The following CLEC16A variants were observed in gnomAD, a reference collection of about 807,000 sequenced individuals.
CLEC16A encodes the protein protein CLEC16A.
A neutral mutation model predicts 109.5 loss-of-function variants in CLEC16A; 51 were observed. That is an observed-to-expected ratio of 0.47 (90% CI 0.37 to 0.59). The LOEUF (loss-of-function observed/expected upper bound fraction) is 0.59, where lower values mean the gene tolerates loss of function less well. CLEC16A is among the 20% of genes least tolerant of loss of function. CLEC16A has a pLI of 0.00. For synonymous variants in CLEC16A, 673 were observed against 564.2 expected (o/e 1.19, Z -2.73); for missense variants, 1,339 against 1,394.0 (o/e 0.96, Z 0.63).
At chr16:11,015,778 G>C (rs988324258) in intron 11 of CLEC16A, among the ~76,000 whole-genome samples, 31 of 152,378 alleles carry the variant, frequency 2.0e-4, no homozygotes, top group African/African-American at 7.2e-4. Context: ...CCAGGGTGCT[G>C]GGGCTTGGCC....
rs1190743202 is a variant in CLEC16A at position 11,174,304 on chromosome 16, G to A, written c.2807-4031G>A. The A allele has an allele frequency of 6.8e-6, 3 of 443,746 alleles. No homozygotes were observed. Among genetic ancestry groups the A allele is most frequent in the Non-Finnish European group, 1.4e-5 (3 of 215,462 alleles). 27.5% of individuals were successfully genotyped at this position (443,746 alleles called of 1,614,324 possible). ...CAGGTCTCCCCTGTGAGCCGCTCGG[G>A]CCGCGACGTCCACTCGCCACGCTGC... On this transcript the variant is annotated intron_variant, in intron 23 of 23. Coordinates refer to ENST00000409790, the MANE Select transcript of CLEC16A (RefSeq NM_015226.3). The surrounding 1 kb of genome is among the most constrained non-coding windows in gnomAD (Gnocchi z 4.7).
At chr16:10,949,114 C>T (rs959639214) in intron 1 of CLEC16A, among the ~76,000 whole-genome samples, 17 of 152,160 alleles carry the variant, frequency 1.1e-4, no homozygotes, top group African/African-American at 3.9e-4. Flanking sequence ...ATGGGAGAAT[C>T]AGGGGTTATT....
chr16:11,177,720 C>T (rs535697130), intron 23 of CLEC16A, among the ~76,000 whole-genome samples: 17 of 152,146 alleles, frequency 1.1e-4, no homozygotes, highest in Admixed American at 9.8e-4. Flanking sequence ...CCGGGAAGCT[C>T]GGGACAATAA....
At position 10,944,624 on chromosome 16, in the gene CLEC16A, C is replaced by T. The variant is rs1160799302; in HGVS notation, c.-94C>T. ...GCGGTTCCTCCACCGCCTCCGCCGCCGCATCCTCCGCTTGTGCTACCGCCG... is the reference window on the plus strand; with the variant it reads ...GCGGTTCCTCCACCGCCTCCGCCGCTGCATCCTCCGCTTGTGCTACCGCCG... On this transcript the variant is annotated 5_prime_UTR_variant, in exon 1 of 24. Coordinates refer to ENST00000409790, the MANE Select transcript of CLEC16A (RefSeq NM_015226.3). 7 of 1,230,108 alleles carry T rather than the reference C, an allele frequency of 5.7e-6. No individual in the cohort carries two copies. In the Admixed American group the frequency reaches 6.3e-5, roughly 11 times the overall value. The allele number at this position is 1,230,108 out of a possible 1,614,324, so 76.2% of individuals were successfully genotyped here. A position where few individuals can be genotyped will look rare whatever the true frequency, so the allele number is the denominator to read the frequency against.
chr16:10,973,182 T>C (rs944950225), intron 7 of CLEC16A, 121 bp downstream of exon 7: 2 of 1,138,678 alleles, frequency 1.8e-6, no homozygotes, highest in Non-Finnish European at 2.4e-6. Flanking sequence ...AGGCAGAGCA[T>C]GGACTTCCGT....
intron 10 of CLEC16A, among the ~76,000 whole-genome samples, chr16:10,987,103 G>A (rs1039818743): frequency 4.0e-5 from 6 of 151,862 alleles, no homozygotes; most frequent in Non-Finnish European, 4.4e-5. Flanking sequence ...TGATCTGCCC[G>A]TCTTAGCCTC....
At chr16:11,058,654 G>A (rs867246250) in intron 18 of CLEC16A, among the ~76,000 whole-genome samples, 11 of 152,042 alleles carry the variant, frequency 7.2e-5, no homozygotes, top group South Asian at 2.1e-4. Context: ...TATTATCCAT[G>A]TGTTGTTTGC....
At chr16:10,975,043 T>C (rs79436683) in intron 7 of CLEC16A, among the ~76,000 whole-genome samples, 6,295 of 152,064 alleles carry the variant, frequency 0.041, 167 homozygotes, top group Non-Finnish European at 0.061. Context: ...CTCTGGACAG[T>C]GAGGAGAAGT....
intron 22 of CLEC16A, among the ~76,000 whole-genome samples, chr16:11,158,353 G>A (rs1017551305): frequency 6.6e-6 from 1 of 152,270 alleles, no homozygotes; most frequent in African/African-American, 2.4e-5. Context: ...AAATGCACGG[G>A]TTGCTTCTCC....
chr16:10,987,576 C>T (rs961472132), intron 10 of CLEC16A, among the ~76,000 whole-genome samples: 1 of 152,154 alleles, frequency 6.6e-6, no homozygotes, highest in Non-Finnish European at 1.5e-5. Flanking sequence ...ATTGCTAGCC[C>T]ACATGTGTCG....
intron 10 of CLEC16A, among the ~76,000 whole-genome samples, chr16:10,994,677 C>T (rs539149788): frequency 7.2e-5 from 11 of 151,986 alleles, no homozygotes; most frequent in Non-Finnish European, 1.5e-4. Flanking sequence ...GCACTCCAGC[C>T]TGGGTGACAA....
chr16:11,117,426 G>C (rs2052077951), intron 19 of CLEC16A, among the ~76,000 whole-genome samples: 2 of 152,134 alleles, frequency 1.3e-5, no homozygotes, highest in Non-Finnish European at 2.9e-5. Flanking sequence ...TTTCTTTGTA[G>C]GGATAGTTTT....
At chr16:10,952,725 A>G (rs1249567405) in intron 1 of CLEC16A, among the ~76,000 whole-genome samples, 1 of 152,220 alleles carries the variant, frequency 6.6e-6, no homozygotes, top group Non-Finnish European at 1.5e-5. Flanking sequence ...GAGCAAGGTG[A>G]AGGTGTAACC....
In CLEC16A at chr16:11,178,726, C is replaced by T. The variant is rs542826175; in HGVS notation, c.*36C>T. ...GGGCCTCCCTTTGTGTGTGTGGCCC[C>T]GCTGGTAGGGACCCCAGTGCCGCTG... On this transcript the variant is annotated 3_prime_UTR_variant, in exon 24 of 24. Transcript: ENST00000409790. This position sits in a 1 kb window ranked among gnomAD's most constrained non-coding sequence, Gnocchi z 6.5. 13 of 1,412,802 alleles carry T rather than the reference C, an allele frequency of 9.2e-6. No homozygotes were observed. Among genetic ancestry groups the T allele is most frequent in the South Asian group, 8.8e-5 (6 of 68,520 alleles). 87.5% of individuals were successfully genotyped at this position (1,412,802 alleles called of 1,614,324 possible). A position where few individuals can be genotyped will look rare whatever the true frequency, so the allele number is the denominator to read the frequency against.
chr16:11,092,727 C>A (rs2050383148), intron 19 of CLEC16A, among the ~76,000 whole-genome samples: 2 of 152,192 alleles, frequency 1.3e-5, no homozygotes, highest in South Asian at 4.1e-4. Flanking sequence ...GCTCTGGAGT[C>A]AGAATCTATC....
Position 11,121,616 on chromosome 16 carries a change from G to A in CLEC16A, c.2268+850G>A, listed in dbSNP as rs552414755. ...CAACGTGGGCCAGACGTGGTGGCTC[G>A]TGTCTGTAATCCCAGCACTTTGAGG... On this transcript the variant is annotated intron_variant, in intron 20 of 23. Coordinates refer to ENST00000409790, the MANE Select transcript of CLEC16A (RefSeq NM_015226.3). Among the ~76,000 whole-genome samples the A allele has an allele frequency of 1.8e-4, 28 of 151,532 alleles. No homozygotes were observed. In the South Asian group the frequency reaches 5.4e-3, roughly 29 times the overall value.
At chr16:11,128,037 T>C (rs952058386) in intron 22 of CLEC16A, among the ~76,000 whole-genome samples, 2 of 152,126 alleles carry the variant, frequency 1.3e-5, no homozygotes, top group African/African-American at 4.8e-5. Context: ...GCTAAGTAAA[T>C]ATAAAGTGTG....
intron 11 of CLEC16A, among the ~76,000 whole-genome samples, chr16:11,016,476 G>A (rs1307794011): frequency 2.0e-5 from 3 of 151,474 alleles, no homozygotes; most frequent in African/African-American, 4.9e-5. Flanking sequence ...AGCCTCCCCA[G>A]TAGTTGGGAT....
intron 19 of CLEC16A, among the ~76,000 whole-genome samples, chr16:11,102,527 G>A (rs933975224): frequency 7.9e-5 from 12 of 152,208 alleles, no homozygotes; most frequent in African/African-American, 2.7e-4. Context: ...TCTGCCAAAC[G>A]GCTATAAATG....
Sources: allele counts gnomAD v4.1 joint callset (sites outside exome capture counted in the v4.1 genomes callset), GRCh38; gene constraint gnomAD v4.1.1; non-coding constraint Gnocchi (gnomAD v3.1); transcripts MANE v1.5; gene names NCBI Gene and HGNC (gene_info 2026-07-23, HGNC 2026-07-21).